The following PCM1 variants were observed in gnomAD, a reference collection of about 807,000 sequenced individuals.
PCM1 encodes the protein pericentriolar material 1 protein.
PCM1 carries 157 observed loss-of-function variants against 241.9 expected under a neutral mutation model. The observed-to-expected ratio is 0.65, with a 90% CI of 0.57 to 0.74. PCM1 has a LOEUF of 0.74. PCM1 is among the 30% of genes least tolerant of loss of function. The probability of loss-of-function intolerance (pLI) is 0.00; values close to 1 mark genes in which losing one functional copy is unlikely to be tolerated. For synonymous variants in PCM1, 1,085 were observed against 784.9 expected (o/e 1.38, Z -6.39); for missense variants, 3,478 against 2,360.1 (o/e 1.47, Z -9.81).
At chr8:17,954,598 C>G (rs1009732619) in intron 9 of PCM1, among the ~76,000 whole-genome samples, 3 of 152,056 alleles carry the variant, frequency 2.0e-5, no homozygotes, top group East Asian at 3.9e-4. Flanking sequence ...AAGGTAGACT[C>G]GTCAAGGAAT....
rs1017406228 is a variant in PCM1 at position 17,966,357 on chromosome 8, C to T, written c.3105C>T (p.Leu1035=). The T allele has an allele frequency of 2.5e-6, 4 of 1,613,820 alleles. No homozygotes were observed. Among genetic ancestry groups the T allele is most frequent in the African/African-American group, 1.3e-5 (1 of 75,060 alleles). Residue 1035 remains leucine (L), a synonymous_variant, in exon 20 of 39, where the codon CTC becomes CTT. Coordinates refer to ENST00000325083, the MANE Select transcript of PCM1 (RefSeq NM_006197.4). The stretch of plus-strand genomic sequence containing the variant: ...TATCTTGTCTGCTACAAACTCTTCT[C>T]ACGGGTCCTTACAGTGTTATGCCCA... ...QTLSCLLQTL[L]TGPYSVMPSN...
intron 36 of PCM1, among the ~76,000 whole-genome samples, chr8:18,018,947 A>G (rs2093532973): frequency 1.3e-5 from 1 of 74,724 alleles, no homozygotes; most frequent in Admixed American, 1.1e-4. Context: ...AAAGTTGGAG[A>G]TTTGTTCAAG....
intron 9 of PCM1, among the ~76,000 whole-genome samples, chr8:17,955,142 T>G (rs140375413): frequency 4.6e-5 from 7 of 152,326 alleles, no homozygotes; most frequent in Non-Finnish European, 8.8e-5. Context: ...TAGTTAAAAC[T>G]AACTAGAGTA....
intron 23 of PCM1, among the ~76,000 whole-genome samples, chr8:17,978,664 T>C (rs2079585462): frequency 6.6e-6 from 1 of 152,118 alleles, no homozygotes; most frequent in South Asian, 2.1e-4. Context: ...TAGTTTATCC[T>C]ATCTGAGGAA....
At chr8:18,009,378 A>G (rs572711088) in intron 30 of PCM1, among the ~76,000 whole-genome samples, 169 bp from the exon 31 acceptor site, 91 of 152,368 alleles carry the variant, frequency 6.0e-4, no homozygotes, top group African/African-American at 1.9e-3. Context: ...AAGCAGGACT[A>G]GCAACATTCC....
chr8:18,026,689 CCTCT>C (rs1324966981), intron 38 of PCM1, among the ~76,000 whole-genome samples: 1 of 151,746 alleles, frequency 6.6e-6, no homozygotes, highest in Non-Finnish European at 1.5e-5. Flanking sequence ...TCTAGCCCTA[CCTCT>C]CTCTCCTCCT....
At chr8:17,975,073 A>G (rs2078261159) in intron 23 of PCM1, among the ~76,000 whole-genome samples, 1 of 152,154 alleles carries the variant, frequency 6.6e-6, no homozygotes, top group Non-Finnish European at 1.5e-5. Flanking sequence ...CAACTAAATC[A>G]GTATGTATTT....
chr8:17,978,103 A>C (rs924349384), intron 23 of PCM1, among the ~76,000 whole-genome samples: 3 of 152,192 alleles, frequency 2.0e-5, no homozygotes, highest in Admixed American at 2.0e-4. Context: ...TTAGAGCTAG[A>C]AAAAAATGAC....
At chr8:17,956,897 T>G (rs1375276036) in intron 11 of PCM1, 120 bp downstream of exon 11, 1 of 814,634 alleles carries the variant, frequency 1.2e-6, no homozygotes, top group Non-Finnish European at 1.9e-6. Context: ...AGCTTTCTAC[T>G]ATTTTGGTCA....
At chr8:18,027,361 G>A (rs1445835568) in intron 38 of PCM1, among the ~76,000 whole-genome samples, 1 of 152,038 alleles carries the variant, frequency 6.6e-6, no homozygotes, top group Non-Finnish European at 1.5e-5. Context: ...GTCTTTTGTT[G>A]GTGTAGATTT....
chr8:18,012,770 C>A (rs1171622408), intron 34 of PCM1, among the ~76,000 whole-genome samples: 4 of 152,116 alleles, frequency 2.6e-5, no homozygotes, highest in Admixed American at 2.0e-4. Flanking sequence ...ATGGATTGAT[C>A]TTCTGATTTT....
intron 28 of PCM1, among the ~76,000 whole-genome samples, chr8:17,992,935 G>GTTTT (rs3039044): frequency 8.1e-6 from 1 of 123,956 alleles, no homozygotes; most frequent in Non-Finnish European, 1.6e-5. Context: ...CTTTTTGATG[G>GTTTT]TTTTTTTTTT....
intron 21 of PCM1, among the ~76,000 whole-genome samples, chr8:17,968,177 C>T (rs894713480): frequency 2.0e-5 from 3 of 151,976 alleles, no homozygotes. Context: ...TGAAATAGTA[C>T]ATCACTCAGG....
At chr8:18,000,695 C>T (rs898922092) in intron 29 of PCM1, among the ~76,000 whole-genome samples, 5 of 152,090 alleles carry the variant, frequency 3.3e-5, no homozygotes, top group Non-Finnish European at 7.4e-5. Context: ...GATCTCGGCT[C>T]ACTGCAACCC....
intron 29 of PCM1, among the ~76,000 whole-genome samples, chr8:18,004,200 T>C (rs2090556014): frequency 6.6e-6 from 1 of 152,168 alleles, no homozygotes; most frequent in Admixed American, 6.5e-5. Flanking sequence ...CAATAAAATA[T>C]TTAATACTTG....
At chr8:18,027,477 T>G (rs2094319852) in intron 38 of PCM1, among the ~76,000 whole-genome samples, 160 bp from the exon 39 acceptor site, 1 of 152,254 alleles carries the variant, frequency 6.6e-6, no homozygotes, top group African/African-American at 2.4e-5. Flanking sequence ...ACCTATTCTT[T>G]TTTTACTGTG....
intron 36 of PCM1, among the ~76,000 whole-genome samples, chr8:18,024,305 A>G (rs939364305): frequency 7.2e-5 from 11 of 152,246 alleles, no homozygotes; most frequent in Middle Eastern, 3.4e-3. Context: ...GTTCTAGACT[A>G]TGGTGAACTA....
In PCM1 at chr8:18,029,605, T is replaced by TATTA. The variant is rs2094413536; in HGVS notation, c.*1946_*1949dup. 1 of 204,782 alleles carries TATTA rather than the reference T, an allele frequency of 4.9e-6. No individual in the cohort carries two copies. Among genetic ancestry groups the TATTA allele is most frequent in the African/African-American group, 2.3e-5 (1 of 43,832 alleles). The allele number at this position is 204,782 out of a possible 1,614,324, so 12.7% of individuals were successfully genotyped here. Reference sequence around the variant, plus strand: ...CTTATTTGACTGGTGTTACAGCTGCTATTAATCTAAGTCTATTGTTTTTCT... The same window carrying TATTA: ...CTTATTTGACTGGTGTTACAGCTGCTATTAATTAATCTAAGTCTATTGTTTTTCT... On this transcript the variant is annotated 3_prime_UTR_variant, in exon 39 of 39. Transcript: ENST00000325083.
At chr8:18,023,890 T>A (rs2093958889) in intron 36 of PCM1, among the ~76,000 whole-genome samples, 1 of 152,180 alleles carries the variant, frequency 6.6e-6, no homozygotes, top group South Asian at 2.1e-4. Flanking sequence ...TGATAACAAC[T>A]TTACCTGACT....
Sources: gnomAD v4.1 joint callset for allele counts (sites outside exome capture counted in the v4.1 genomes callset) on GRCh38, gnomAD v4.1.1 for gene constraint, MANE v1.5 for transcripts, NCBI Gene and HGNC (gene_info 2026-07-23, HGNC 2026-07-21) for gene names.